Variants in HTRA3 observed in about 807,000 individuals in gnomAD.
HTRA3 encodes the protein HtrA serine peptidase 3.
A neutral mutation model predicts 43.2 loss-of-function variants in HTRA3; 41 were observed. The observed-to-expected ratio is 0.95, with a 90% CI of 0.74 to 1.23. The LOEUF (loss-of-function observed/expected upper bound fraction) is 1.23, where lower values mean the gene tolerates loss of function less well. Among genes scored for constraint, HTRA3 ranks in the 50% most tolerant of loss-of-function variants. HTRA3 has a pLI of 0.00. For missense variants in HTRA3, 628 were observed against 647.1 expected (o/e 0.97, Z 0.32); for synonymous variants, 295 against 287.9 (o/e 1.02, Z -0.25).
intron 1 of HTRA3, among the ~76,000 whole-genome samples, chr4:8,281,216 C>T (rs1712729902): frequency 6.6e-6 from 1 of 152,236 alleles, no homozygotes; most frequent in African/African-American, 2.4e-5. Context: ...GTGGCATCCA[C>T]CATGGTACCT....
At position 8,281,956 on chromosome 4, in the gene HTRA3, C is replaced by T. The variant is rs373849332; in HGVS notation, c.386-481C>T. 1.2e-4 allele frequency among the ~76,000 whole-genome samples: 19 copies of T among 152,350 alleles called. No homozygotes were observed. In the East Asian group the frequency reaches 2.3e-3, roughly 19 times the overall value. On this transcript the variant is annotated intron_variant, in intron 1 of 8. Transcript: ENST00000307358. The stretch of plus-strand genomic sequence containing the variant: ...GGTCACCTGGGGGTCTTCCACTACA[C>T]CCCCGCCTGGACACTGCTGTAGCCC...
At position 8,295,737 on chromosome 4, in the gene HTRA3, G is replaced by A. The variant is rs190286689; in HGVS notation, c.1051+1536G>A. The A allele has an allele frequency of 2.5e-4, 330 of 1,338,384 alleles. No individual in the cohort carries two copies. The highest frequency in any genetic ancestry group is 8.5e-4 in the South Asian group (43 of 50,438). 82.9% of individuals were successfully genotyped at this position (1,338,384 alleles called of 1,614,324 possible). A position where few individuals can be genotyped will look rare whatever the true frequency, so the allele number is the denominator to read the frequency against. ...CATTGAGAGCAGGGGGCTTCCTCAC[G>A]TTTCCCCCTCCTCCATGACCCCGTC... On this transcript the variant is annotated intron_variant, in intron 6 of 8. Coordinates refer to ENST00000307358, the MANE Select transcript of HTRA3 (RefSeq NM_053044.5). This position sits in a 1 kb window ranked among gnomAD's most constrained non-coding sequence, Gnocchi z 6.9.
In HTRA3 at chr4:8,306,191, G is replaced by A. The variant is rs1713842987; in HGVS notation, c.*55G>A. 3.1e-5 allele frequency: 46 copies of A among 1,497,754 alleles called. No homozygotes were observed. The highest frequency in any genetic ancestry group is 2.9e-4 in the South Asian group (22 of 76,352). The allele number at this position is 1,497,754 out of a possible 1,614,324, so 92.8% of individuals were successfully genotyped here. A position where few individuals can be genotyped will look rare whatever the true frequency, so the allele number is the denominator to read the frequency against. ...GAGCCTGCAGACAACGGAGGGCAGC[G>A]CCCCCCCGAGATCAGGACGAAGGAC... On this transcript the variant is annotated 3_prime_UTR_variant, in exon 9 of 9. Transcript: ENST00000307358. The surrounding 1 kb of genome is among the most constrained non-coding windows in gnomAD (Gnocchi z 8.9).
chr4:8,280,122 G>C (rs1230625040), intron 1 of HTRA3, among the ~76,000 whole-genome samples: 2 of 152,096 alleles, frequency 1.3e-5, no homozygotes, highest in Non-Finnish European at 2.9e-5. Flanking sequence ...GTGTAGAGAG[G>C]TGGATGATGA....
intron 6 of HTRA3, among the ~76,000 whole-genome samples, chr4:8,301,558 TA>T (rs1252703026): frequency 5.3e-5 from 8 of 152,322 alleles, no homozygotes; most frequent in East Asian, 3.9e-4. Flanking sequence ...GACTTTTAAT[TA>T]TTTTTTTTCT....
Position 8,291,623 on chromosome 4 carries a change from C to T in HTRA3, c.903+59C>T, listed in dbSNP as rs543045130. 1,830 of 1,323,290 alleles carry T rather than the reference C, an allele frequency of 1.4e-3. 17 individuals carry two copies. Among genetic ancestry groups the T allele is most frequent in the South Asian group, 1.3e-3 (86 of 68,548 alleles). The allele number at this position is 1,323,290 out of a possible 1,614,324, so 82.0% of individuals were successfully genotyped here. On this transcript the variant is annotated intron_variant, in intron 4 of 8. Transcript: ENST00000307358. Reference sequence around the variant, plus strand: ...CCATCTGTGCCCAAGACCTCAACCTCGAGGTGGTCTCTGACTCGGCTTGCC... The same window carrying T: ...CCATCTGTGCCCAAGACCTCAACCTTGAGGTGGTCTCTGACTCGGCTTGCC...
At chr4:8,283,286 C>A (rs1259898116) in intron 2 of HTRA3, among the ~76,000 whole-genome samples, 5 of 152,142 alleles carry the variant, frequency 3.3e-5, no homozygotes, top group Non-Finnish European at 1.5e-5. Context: ...GTGGTGTGTA[C>A]CGTGTGGCTT....
At chr4:8,273,538 G>A (rs1262783156) in intron 1 of HTRA3, among the ~76,000 whole-genome samples, 1 of 47,080 alleles carries the variant, frequency 2.1e-5, no homozygotes, top group Non-Finnish European at 4.5e-5. Flanking sequence ...CCGCACCCCC[G>A]CCCCAGTAAG....
At chr4:8,281,502 G>GT (rs1462798680) in intron 1 of HTRA3, among the ~76,000 whole-genome samples, 8 of 152,212 alleles carry the variant, frequency 5.3e-5, no homozygotes, top group African/African-American at 1.9e-4. Flanking sequence ...CCCAGAGAAC[G>GT]TAAGTAATCT....
rs1713456518 is a variant in HTRA3, at chr4:8,296,364, G to A, written c.1051+2163G>A. The A allele has an allele frequency of 1.0e-6, 1 of 985,360 alleles. No homozygotes were observed. The highest frequency in any genetic ancestry group is 1.2e-6 in the Non-Finnish European group (1 of 829,974). 61.0% of individuals were successfully genotyped at this position (985,360 alleles called of 1,614,324 possible). A position where few individuals can be genotyped will look rare whatever the true frequency, so the allele number is the denominator to read the frequency against. On this transcript the variant is annotated intron_variant, in intron 6 of 8. Coordinates refer to ENST00000307358, the MANE Select transcript of HTRA3 (RefSeq NM_053044.5). The surrounding 1 kb of genome is among the most constrained non-coding windows in gnomAD (Gnocchi z 5.3). ...AAGGACAGTGCAGACTAACTGAGGA[G>A]CCTGATAAACCTTAGCTGCATGGCA...
At chr4:8,300,582 T>C (rs538572331) in intron 6 of HTRA3, among the ~76,000 whole-genome samples, 15 of 152,358 alleles carry the variant, frequency 9.8e-5, no homozygotes, top group African/African-American at 3.6e-4. Flanking sequence ...TGATGTCACC[T>C]CTGTAATTTG....
intron 3 of HTRA3, 84 bp from the exon 4 acceptor site, chr4:8,291,286 C>G (rs978620205): frequency 8.2e-7 from 1 of 1,218,352 alleles, no homozygotes; most frequent in Non-Finnish European, 1.2e-6. Flanking sequence ...TCCCTGGGAC[C>G]CCCCTGCCAG....
Position 8,296,183 on chromosome 4 carries a change from C to G in HTRA3, c.1051+1982C>G, listed in dbSNP as rs1713447472. ...TTCCTTGGAAGTGGATGATAGTGTC[C>G]TCTTCCCTTCTTGCCTCTCTCTTTC... On this transcript the variant is annotated intron_variant, in intron 6 of 8. Transcript: ENST00000307358. The surrounding 1 kb of genome is among the most constrained non-coding windows in gnomAD (Gnocchi z 5.3). The G allele has an allele frequency of 3.0e-6, 3 of 987,076 alleles. No individual in the cohort carries two copies. The highest frequency in any genetic ancestry group is 3.6e-6 in the Non-Finnish European group (3 of 831,102). 61.1% of individuals were successfully genotyped at this position (987,076 alleles called of 1,614,324 possible).
Position 8,291,497 on chromosome 4 carries a change from G to T in HTRA3, c.836G>T (p.Arg279Leu). ...VTTGIVSTAQ[R>L]EGRELGLRDS... The stretch of plus-strand genomic sequence containing the variant: ...ACGGGCATCGTCAGCACTGCCCAGC[G>T]GGAGGGCAGGGAGCTGGGCCTCCGG... The change falls in exon 4 of 9, where the codon CGG becomes CTG. Residue 279 changes from arginine to leucine, a missense_variant. By Grantham distance (102) the Arg-to-Leu change is moderately radical. Transcript: ENST00000307358. 3 of 1,612,698 alleles carry T rather than the reference G, an allele frequency of 1.9e-6. No homozygotes were observed. Among genetic ancestry groups the T allele is most frequent in the Non-Finnish European group, 2.5e-6 (3 of 1,179,776 alleles).
intron 8 of HTRA3, among the ~76,000 whole-genome samples, chr4:8,305,210 G>A (rs1713792624): frequency 1.3e-5 from 2 of 152,226 alleles, no homozygotes. Flanking sequence ...ACTGTACTGT[G>A]CATCCTCAGA....
At chr4:8,293,318 G>A (rs992742596) in intron 5 of HTRA3, among the ~76,000 whole-genome samples, 4 of 152,202 alleles carry the variant, frequency 2.6e-5, no homozygotes, top group Admixed American at 2.6e-4. Context: ...GTAGAGATGG[G>A]CACAGAGGGC....
intron 5 of HTRA3, among the ~76,000 whole-genome samples, chr4:8,293,749 C>G (rs1193387524): frequency 6.6e-6 from 1 of 152,158 alleles, no homozygotes; most frequent in East Asian, 1.9e-4. Context: ...CATGTTCCTC[C>G]CTCTCTCGGT....
chr4:8,294,644 C>T lies in HTRA3; in HGVS notation c.1051+443C>T, dbSNP rs887422920. On this transcript the variant is annotated intron_variant, in intron 6 of 8. Transcript: ENST00000307358. ...TCCATCCATCCATCCATCCATCCAT[C>T]CATCCATCCATCCATCCATCCATCC... Among the ~76,000 whole-genome samples the T allele has an allele frequency of 6.0e-3, 63 of 10,446 alleles. 1 individual carries two copies. Among genetic ancestry groups the T allele is most frequent in the Middle Eastern group, 0.042 (1 of 24 alleles). 6.9% of individuals were successfully genotyped at this position (10,446 alleles called of 152,430 possible).
intron 3 of HTRA3, 42 bp from the exon 4 acceptor site, chr4:8,291,328 G>T: frequency 6.4e-7 from 1 of 1,561,918 alleles, no homozygotes; most frequent in South Asian, 1.1e-5. Flanking sequence ...GAAGGTAGAC[G>T]GCTAAGCCTC....
Sources: gnomAD v4.1 joint callset for allele counts (sites outside exome capture counted in the v4.1 genomes callset) on GRCh38, gnomAD v4.1.1 for gene constraint, Gnocchi (gnomAD v3.1) non-coding constraint, MANE v1.5 for transcripts, NCBI Gene and HGNC (gene_info 2026-07-23, HGNC 2026-07-21) for gene names.